The following ZNF605 variants were observed in gnomAD, a reference collection of about 807,000 sequenced individuals.
ZNF605 encodes the protein zinc finger protein 605.
Under a neutral mutation model 7.9 loss-of-function variants are expected in ZNF605, and 9 were observed. The observed-to-expected ratio is 1.14, with a 90% CI of 0.68 to 1.98. ZNF605 has a LOEUF of 1.98. Among genes scored for constraint, ZNF605 ranks in the 30% most tolerant of loss-of-function variants. The pLI, the probability that ZNF605 is intolerant of heterozygous loss-of-function variation, is 0.00. For missense variants in ZNF605, 673 were observed against 762.4 expected, an observed-to-expected ratio of 0.88 and a Z score of 1.38; for synonymous variants, 255 against 260.1, an observed-to-expected ratio of 0.98 and a Z score of 0.19.
chr12:132,929,938 C>T (rs1403694256), intron 4 of ZNF605, among the ~76,000 whole-genome samples: 26 of 152,092 alleles, frequency 1.7e-4, no homozygotes, highest in Admixed American at 1.2e-3. Flanking sequence ...AGCGAGACTC[C>T]GTCTCAAAAT....
At position 132,953,667 on chromosome 12, in the gene ZNF605, T is replaced by C. The variant is rs1043685275; in HGVS notation, c.-286+2576A>G. On this transcript the variant is annotated intron_variant, in intron 1 of 4. Coordinates refer to ENST00000360187, the MANE Select transcript of ZNF605 (RefSeq NM_183238.4). ...GTGTGGATCTCTTGACCTCCTGATC[T>C]GCCTGCCTCAGCCTCCCAAAGTGCT... Among the ~76,000 whole-genome samples the C allele has an allele frequency of 9.5e-5, 14 of 147,970 alleles. No individual in the cohort carries two copies. In the East Asian group the frequency reaches 2.7e-3, roughly 28 times the overall value.
At position 132,933,653 on chromosome 12, in the gene ZNF605, T is replaced by C. The variant is rs1210589126; in HGVS notation, c.16-498A>G. On this transcript the variant is annotated intron_variant, in intron 3 of 4. Transcript: ENST00000360187. This position sits in a 1 kb window ranked among gnomAD's most constrained non-coding sequence, Gnocchi z 4.4. The stretch of plus-strand genomic sequence containing the variant: ...AGAAACAGATCAATGTTTGTTGTTT[T>C]CAGCCCTTGAGGTTTGGGGTAATTT... Among the ~76,000 whole-genome samples, 1 of 152,244 alleles carries C rather than the reference T, an allele frequency of 6.6e-6. No homozygotes were observed. Among genetic ancestry groups the C allele is most frequent in the Non-Finnish European group, 1.5e-5 (1 of 68,038 alleles).
chr12:132,955,228 G>A (rs1952624357), intron 1 of ZNF605, among the ~76,000 whole-genome samples: 1 of 152,162 alleles, frequency 6.6e-6, no homozygotes, highest in South Asian at 2.1e-4. Context: ...ACAGAGAGGT[G>A]TGAACAAGGT....
At chr12:132,950,741 TACAGACATACTGATAACACACGTACATC>T (rs1952550707) in intron 1 of ZNF605, among the ~76,000 whole-genome samples, 2 of 151,354 alleles carry the variant, frequency 1.3e-5, no homozygotes, top group Non-Finnish European at 2.9e-5. Context: ...CACAGACATG[TACAGACATACTGATAACACACGTACATC>T]ACAGACATGT....
Position 132,925,887 on chromosome 12 carries a change from T to A in ZNF605, c.1412A>T (p.His471Leu). 6.2e-7 allele frequency: 1 copy of A among 1,614,192 alleles called. No homozygotes were observed. Among genetic ancestry groups the A allele is most frequent in the Non-Finnish European group, 8.5e-7 (1 of 1,180,014 alleles). The stretch of plus-strand genomic sequence containing the variant: ...GCATTCATAGGGTTTCTCACCTGTA[T>A]GTGTTCTCTGATGTGATATCAGGCT... ...KSSLISHQRTHTGEKPYECSE... is the reference protein window; with the variant it reads ...KSSLISHQRTLTGEKPYECSE... The change falls in exon 5 of 5, where the codon CAT (histidine) becomes CTT (leucine). Residue 471 changes from histidine (H) to leucine (L), a missense_variant. His to Leu is a moderately conservative substitution (Grantham distance 99). Coordinates refer to ENST00000360187, the MANE Select transcript of ZNF605 (RefSeq NM_183238.4).
intron 3 of ZNF605, among the ~76,000 whole-genome samples, chr12:132,935,817 C>T (rs937906089): frequency 1.0e-3 from 156 of 150,424 alleles, no homozygotes; most frequent in African/African-American, 3.8e-3. Flanking sequence ...GGCGTGAACC[C>T]GGGAGGCGGA....
At position 132,951,533 on chromosome 12, in the gene ZNF605, G is replaced by A. The variant is rs770106600; in HGVS notation, c.-285-3263C>T. On this transcript the variant is annotated intron_variant, in intron 1 of 4. Coordinates refer to ENST00000360187, the MANE Select transcript of ZNF605 (RefSeq NM_183238.4). ...TACACACACACTGATGTACACGTAC[G>A]TCACACACACACATACACACACTGA... 1.9e-3 allele frequency among the ~76,000 whole-genome samples: 281 copies of A among 146,360 alleles called. 3 individuals carry two copies. The highest frequency in any genetic ancestry group is 6.4e-3 in the African/African-American group (255 of 39,546).
rs139676881 is a variant in ZNF605, at chr12:132,925,160, G to A, written c.*213C>T. On this transcript the variant is annotated 3_prime_UTR_variant, in exon 5 of 5. Transcript: ENST00000360187. ...CTCAATGAGTCATCCAATATGTAAC[G>A]AGTAGTGTCTTCTGGGAGATGACTT... 1.1e-4 allele frequency: 53 copies of A among 462,088 alleles called. No homozygotes were observed. Among genetic ancestry groups the A allele is most frequent in the African/African-American group, 9.4e-4 (47 of 50,142 alleles). 28.6% of individuals were successfully genotyped at this position (462,088 alleles called of 1,614,324 possible).
chr12:132,922,139 G>C lies in ZNF605; in HGVS notation c.*3234C>G, dbSNP rs951865313. 3.9e-5 allele frequency: 6 copies of C among 152,140 alleles called. No homozygotes were observed. Among genetic ancestry groups the C allele is most frequent in the Non-Finnish European group, 7.3e-5 (5 of 68,044 alleles). 9.4% of individuals were successfully genotyped at this position (152,140 alleles called of 1,614,324 possible). On this transcript the variant is annotated 3_prime_UTR_variant, in exon 5 of 5. Coordinates refer to ENST00000360187, the MANE Select transcript of ZNF605 (RefSeq NM_183238.4). The stretch of plus-strand genomic sequence containing the variant: ...CGAATGGTAGCAGATGATGGGTCAG[G>C]GGTATTTTAATTGTACAGCATAACA...
chr12:132,945,800 G>T lies in ZNF605; in HGVS notation c.-162-3C>A. 3.4e-6 allele frequency: 3 copies of T among 888,648 alleles called. No homozygotes were observed. The highest frequency in any genetic ancestry group is 5.5e-6 in the Non-Finnish European group (3 of 545,974). The allele number at this position is 888,648 out of a possible 1,614,324, so 55.0% of individuals were successfully genotyped here. On this transcript the variant is annotated splice_polypyrimidine_tract_variant and splice_region_variant and intron_variant, in intron 2 of 4. Transcript: ENST00000360187. ...GTCTTGTTCCAGAGGGCTATTGCCTGTGGATGCAGTGGACATTTTATTTTA... is the reference window on the plus strand; with the variant it reads ...GTCTTGTTCCAGAGGGCTATTGCCTTTGGATGCAGTGGACATTTTATTTTA...
rs756629923 is a variant in ZNF605, at chr12:132,925,637, ATTTC to A, written c.1658_1661del (p.Arg553IlefsTer23). 2 of 1,614,082 alleles carry A rather than the reference ATTTC, an allele frequency of 1.2e-6. No homozygotes were observed. Among genetic ancestry groups the A allele is most frequent in the South Asian group, 2.2e-5 (2 of 91,080 alleles). The stretch of plus-strand genomic sequence containing the variant: ...ATCCATAGGTTTTCTCTCCTGTGTG[ATTTC>A]TTTGATGCTTAATGAGCTGCACTTT... On this transcript the variant is annotated frameshift_variant, in exon 5 of 5. Coordinates refer to ENST00000360187, the MANE Select transcript of ZNF605 (RefSeq NM_183238.4). LOFTEE classifies it low-confidence loss of function (END_TRUNC).
Position 132,939,986 on chromosome 12 carries a change from C to T in ZNF605, c.15+5635G>A, listed in dbSNP as rs1036567642. Among the ~76,000 whole-genome samples the T allele has an allele frequency of 1.7e-4, 26 of 151,906 alleles. No homozygotes were observed. The East Asian group carries it at 4.7e-3, about 27-fold the overall frequency. On this transcript the variant is annotated intron_variant, in intron 3 of 4. Transcript: ENST00000360187. ...CGAACCCACCAGAAGGAAGAAACTC[C>T]GAACACAGCTGAACATCAGAAGGGA...
intron 4 of ZNF605, among the ~76,000 whole-genome samples, chr12:132,929,617 T>G (rs1952285273): frequency 1.3e-5 from 2 of 152,154 alleles, no homozygotes; most frequent in African/African-American, 4.8e-5. Flanking sequence ...AAAACAATAC[T>G]TTTAAATTAA....
chr12:132,951,783 T>C (rs1396669762), intron 1 of ZNF605, among the ~76,000 whole-genome samples: 1 of 151,120 alleles, frequency 6.6e-6, no homozygotes, highest in African/African-American at 2.4e-5. Context: ...TACACACACA[T>C]TGATACACAT....
chr12:132,926,995 A>C lies in ZNF605; in HGVS notation c.304T>G (p.Leu102Val), dbSNP rs1168989289. ...ATAAGCAAATCAAAAGGACATTTCA[A>C]ACTTTTTTCTCCTGTGCCACATTTA... The part of the protein sequence containing the change: ...SHKCGTGEKS[L>V]KCPFDLLIPK... The change falls in exon 5 of 5, where the codon TTG becomes GTG. Residue 102 changes from leucine to valine, a missense_variant. Coordinates refer to ENST00000360187, the MANE Select transcript of ZNF605 (RefSeq NM_183238.4). 4 of 1,611,902 alleles carry C rather than the reference A, an allele frequency of 2.5e-6. No homozygotes were observed. The highest frequency in any genetic ancestry group is 2.7e-5 in the African/African-American group (2 of 74,878).
intron 1 of ZNF605, among the ~76,000 whole-genome samples, chr12:132,949,156 T>C (rs1952530590): frequency 6.6e-6 from 1 of 152,144 alleles, no homozygotes; most frequent in African/African-American, 2.4e-5. Context: ...AGTGAGTTGC[T>C]CCATCATCCA....
chr12:132,929,817 C>G (rs918603390), intron 4 of ZNF605, among the ~76,000 whole-genome samples: 5 of 151,940 alleles, frequency 3.3e-5, no homozygotes, highest in African/African-American at 4.8e-5. Context: ...TGGTGGTGTG[C>G]GCCTGTAATC....
intron 4 of ZNF605, among the ~76,000 whole-genome samples, chr12:132,928,833 G>C (rs750520033): frequency 6.6e-6 from 1 of 151,688 alleles, no homozygotes; most frequent in Non-Finnish European, 1.5e-5. Context: ...GCAACATATG[G>C]AGAAACTGTC....
At chr12:132,947,299 G>A (rs1163958269) in intron 2 of ZNF605, among the ~76,000 whole-genome samples, 1 of 150,918 alleles carries the variant, frequency 6.6e-6, no homozygotes, top group Non-Finnish European at 1.5e-5. Flanking sequence ...ACAGGTGTGA[G>A]CCACCACGCC....
Sources: gnomAD v4.1 joint callset for allele counts (sites outside exome capture counted in the v4.1 genomes callset) on GRCh38, gnomAD v4.1.1 for gene constraint, Gnocchi (gnomAD v3.1) non-coding constraint, MANE v1.5 for transcripts, NCBI Gene and HGNC (gene_info 2026-07-23, HGNC 2026-07-21) for gene names.